SORCS1: variants seen among roughly 807,000 people sequenced by gnomAD.
SORCS1 encodes sortilin related VPS10 domain containing receptor 1.
SORCS1 carries 60 observed loss-of-function variants against 146.1 expected under a neutral mutation model. The observed-to-expected ratio is 0.41, with a 90% CI of 0.33 to 0.51. The LOEUF (loss-of-function observed/expected upper bound fraction) is 0.51, where lower values mean the gene tolerates loss of function less well. Among genes scored for constraint, SORCS1 ranks in the 20% least tolerant of loss-of-function variants. The pLI, the probability that SORCS1 is intolerant of heterozygous loss-of-function variation, is 0.21. For missense variants in SORCS1, 1,352 were observed against 1,487.6 expected (o/e 0.91, Z 1.50); for synonymous variants, 637 against 584.0 (o/e 1.09, Z -1.31).
At chr10:106,839,074 G>A (rs916641197) in intron 2 of SORCS1, among the ~76,000 whole-genome samples, 69 of 152,112 alleles carry the variant, frequency 4.5e-4, no homozygotes, top group African/African-American at 1.5e-3. Context: ...TGAGATAAAT[G>A]ATATTGAAAT....
At chr10:106,678,056 G>A (rs1048939114) in intron 12 of SORCS1, among the ~76,000 whole-genome samples, 5 of 152,188 alleles carry the variant, frequency 3.3e-5, no homozygotes, top group African/African-American at 1.2e-4. Context: ...GTCAAATGGA[G>A]ACACAATGGA....
intron 5 of SORCS1, among the ~76,000 whole-genome samples, chr10:106,749,186 G>A (rs1589797741): frequency 6.6e-6 from 1 of 152,178 alleles, no homozygotes; most frequent in East Asian, 1.9e-4. Flanking sequence ...TAGGAAATAT[G>A]AGATTTGGAA....
chr10:106,666,554 CTTT>C (rs1423294567), intron 17 of SORCS1, among the ~76,000 whole-genome samples: 2 of 141,190 alleles, frequency 1.4e-5, no homozygotes, highest in African/African-American at 5.2e-5. Flanking sequence ...AAATCTCTCT[CTTT>C]TTTTTTTTTT....
intron 1 of SORCS1, among the ~76,000 whole-genome samples, chr10:106,974,315 A>C (rs1955906576): frequency 6.6e-6 from 1 of 152,190 alleles, no homozygotes; most frequent in Non-Finnish European, 1.5e-5. Flanking sequence ...GGGAGACGGG[A>C]ATCTGGAAAG....
intron 2 of SORCS1, among the ~76,000 whole-genome samples, chr10:106,865,707 G>C (rs1415226246): frequency 6.6e-6 from 1 of 150,948 alleles, no homozygotes; most frequent in Non-Finnish European, 1.5e-5. Flanking sequence ...CTGGGCGAGA[G>C]AGCAAGACTC....
At chr10:107,179,940 G>A in the SORCS1 span, among the ~76,000 whole-genome samples, 116,943 of 119,660 alleles carry the variant, frequency 0.98, 57,134 homozygotes, top group East Asian at 0.99. Context: ...TTTTTGAGAC[G>A]GGGTCTCTCT....
chr10:106,624,423 C>A (rs1329309003), intron 19 of SORCS1, among the ~76,000 whole-genome samples: 1 of 122,194 alleles, frequency 8.2e-6, no homozygotes, highest in Non-Finnish European at 1.6e-5. Flanking sequence ...TGCAGTGGCA[C>A]GATCTTGGCT....
chr10:106,909,431 G>A (rs1037428841), intron 2 of SORCS1, among the ~76,000 whole-genome samples: 8 of 152,178 alleles, frequency 5.3e-5, no homozygotes, highest in Non-Finnish European at 1.2e-4. Context: ...GAAATTGAGA[G>A]GTAGAAATGC....
intron 1 of SORCS1, among the ~76,000 whole-genome samples, chr10:107,126,379 C>T (rs1323056016): frequency 6.6e-6 from 1 of 152,088 alleles, no homozygotes; most frequent in Non-Finnish European, 1.5e-5. Context: ...TGCCCTGCAC[C>T]ACCCAGAAAA....
Position 106,751,058 on chromosome 10 carries a change from C to CAAAAAAAAAAAAAAAAAAAAAA in SORCS1, c.959+10508_959+10529dup, listed in dbSNP as rs35691571. Among the ~76,000 whole-genome samples the CAAAAAAAAAAAAAAAAAAAAAA allele has an allele frequency of 1.8e-4, 4 of 22,444 alleles. 1 individual carries two copies. Among genetic ancestry groups the CAAAAAAAAAAAAAAAAAAAAAA allele is most frequent in the East Asian group, 7.8e-4 (1 of 1,286 alleles). 14.7% of individuals were successfully genotyped at this position (22,444 alleles called of 152,430 possible). The stretch of plus-strand genomic sequence containing the variant: ...TGGGCGACAGGGTGAGACTCCGTCT[C>CAAAAAAAAAAAAAAAAAAAAAA]AAAAAAAAAAAAAAAAAAAAAAAAA... On this transcript the variant is annotated intron_variant, in intron 5 of 25. Coordinates refer to ENST00000263054, the MANE Select transcript of SORCS1 (RefSeq NM_052918.5).
intron 25 of SORCS1, 40 bp downstream of exon 25, chr10:106,579,329 G>C: frequency 6.2e-7 from 1 of 1,614,056 alleles, no homozygotes; most frequent in Non-Finnish European, 8.5e-7. Context: ...GGAGAAGGAA[G>C]AGGTCAGGGG....
intron 2 of SORCS1, among the ~76,000 whole-genome samples, chr10:106,863,480 G>A (rs1427174914): frequency 1.4e-5 from 2 of 147,988 alleles, no homozygotes; most frequent in Non-Finnish European, 3.0e-5. Flanking sequence ...AGCTGAGATC[G>A]TACCACTGTA....
chr10:107,054,738 T>C (rs1332734512), intron 1 of SORCS1, among the ~76,000 whole-genome samples: 1 of 152,230 alleles, frequency 6.6e-6, no homozygotes, highest in African/African-American at 2.4e-5. Context: ...GGGCATGAGC[T>C]ATGCTAGCCA....
intron 5 of SORCS1, among the ~76,000 whole-genome samples, chr10:106,760,442 CAAAAAAAAAAAAA>C (rs34324078): frequency 5.2e-4 from 24 of 45,804 alleles, no homozygotes; most frequent in African/African-American, 2.2e-3. Flanking sequence ...GACTCCGTCT[CAAAAAAAAAAAAA>C]AAAAAAAAAA....
At chr10:106,947,702 C>T (rs562337535) in intron 2 of SORCS1, among the ~76,000 whole-genome samples, 10 of 152,076 alleles carry the variant, frequency 6.6e-5, no homozygotes, top group South Asian at 4.2e-4. Flanking sequence ...AAAAATTAGC[C>T]GGGCCTGGTG....
At chr10:106,631,823 C>T (rs115357862) in intron 18 of SORCS1, among the ~76,000 whole-genome samples, 131 of 152,284 alleles carry the variant, frequency 8.6e-4, no homozygotes, top group African/African-American at 3.0e-3. Context: ...TGGTCTTCAT[C>T]ACTTCCATTT....
intron 10 of SORCS1, among the ~76,000 whole-genome samples, chr10:106,685,599 C>T (rs2135601880): frequency 6.6e-6 from 1 of 152,136 alleles, no homozygotes; most frequent in South Asian, 2.1e-4. Context: ...ATAACAAATG[C>T]AAAGACCCTA....
chr10:106,964,997 C>T (rs1165240091), intron 1 of SORCS1, among the ~76,000 whole-genome samples: 1 of 151,026 alleles, frequency 6.6e-6, no homozygotes, highest in Non-Finnish European at 1.5e-5. Context: ...AATAGTGACT[C>T]AAGCAATAAG....
At chr10:106,769,779 G>A (rs1374442813) in intron 4 of SORCS1, among the ~76,000 whole-genome samples, 1 of 152,128 alleles carries the variant, frequency 6.6e-6, no homozygotes, top group African/African-American at 2.4e-5. Flanking sequence ...CTTCATTTCT[G>A]AAGAGAATGC....
Sources: allele counts gnomAD v4.1 joint callset (sites outside exome capture counted in the v4.1 genomes callset), GRCh38; gene constraint gnomAD v4.1.1; transcripts MANE v1.5; gene names NCBI Gene and HGNC (gene_info 2026-07-23, HGNC 2026-07-21).